The following COL5A2 variants were observed in gnomAD, a reference collection of about 807,000 sequenced individuals.
COL5A2 encodes the protein collagen alpha-2(V) chain.
COL5A2 carries 23 observed loss-of-function variants against 208.2 expected under a neutral mutation model. That is an observed-to-expected ratio of 0.11 (90% confidence interval 0.08 to 0.16). The LOEUF (loss-of-function observed/expected upper bound fraction) is 0.16, where lower values mean the gene tolerates loss of function less well. Ranked by LOEUF, COL5A2 falls within the 10% of genes least tolerant of loss-of-function variation. The probability of loss-of-function intolerance (pLI) is 1.00; values close to 1 mark genes in which losing one functional copy is unlikely to be tolerated. For missense variants in COL5A2, 1,590 were observed against 1,956.4 expected (o/e 0.81, Z 3.53); for synonymous variants, 625 against 628.5 (o/e 0.99, Z 0.08).
intron 31 of COL5A2, 125 bp downstream of exon 31, chr2:189,060,605 G>C: frequency 1.3e-6 from 1 of 790,034 alleles, no homozygotes; most frequent in Non-Finnish European, 2.2e-6. Flanking sequence ...CTAGTACATA[G>C]GGCTGCTTTG....
intron 1 of COL5A2, among the ~76,000 whole-genome samples, chr2:189,134,731 A>G (rs1033232795): frequency 1.3e-5 from 2 of 152,220 alleles, no homozygotes; most frequent in Non-Finnish European, 2.9e-5. Flanking sequence ...ACCAAGGGCA[A>G]ATTTCAGGAA....
At chr2:189,072,413 T>C (rs1197540482) in intron 17 of COL5A2, among the ~76,000 whole-genome samples, 4 of 152,138 alleles carry the variant, frequency 2.6e-5, no homozygotes, top group Admixed American at 1.3e-4. Context: ...TCAAATAATA[T>C]AGTTTTTAGA....
chr2:189,398,122 C>T, the COL5A2 span, among the ~76,000 whole-genome samples: 1 of 151,978 alleles, frequency 6.6e-6, no homozygotes, highest in East Asian at 1.9e-4. Flanking sequence ...TCATTAATTT[C>T]TAGTAATAAT....
At chr2:189,306,563 G>A in the COL5A2 span, among the ~76,000 whole-genome samples, 1 of 152,170 alleles carries the variant, frequency 6.6e-6, no homozygotes, top group Non-Finnish European at 1.5e-5. Flanking sequence ...ATTAATGAGG[G>A]AATTCTGGTG....
At chr2:189,284,117 G>A in the COL5A2 span, among the ~76,000 whole-genome samples, 51 of 152,118 alleles carry the variant, frequency 3.4e-4, no homozygotes, top group African/African-American at 1.2e-3. Flanking sequence ...TATATGATAT[G>A]CTTATGTCAT....
chr2:189,142,682 A>G (rs1003205026), intron 1 of COL5A2, among the ~76,000 whole-genome samples: 3 of 152,142 alleles, frequency 2.0e-5, no homozygotes, highest in Admixed American at 6.6e-5. Context: ...AGATTTCTTT[A>G]TACTATGATT....
chr2:189,223,575 T>A lies in COL5A2; in HGVS notation c.-42+1573A>T, dbSNP rs565889820. Among the ~76,000 whole-genome samples the A allele has an allele frequency of 4.6e-5, 7 of 152,298 alleles. No homozygotes were observed. In the South Asian group the frequency reaches 1.5e-3, roughly 32 times the overall value. On this transcript the variant is annotated intron_variant, in intron 1 of 10. Transcript: ENST00000649966. ...CCAAAAGCCAGCAACCGCCCACGTG[T>A]GTATCAACAACATCGTGGATAAATA...
chr2:189,417,833 C>T, the COL5A2 span, among the ~76,000 whole-genome samples: 1 of 151,420 alleles, frequency 6.6e-6, no homozygotes, highest in African/African-American at 2.4e-5. Flanking sequence ...TATACACATA[C>T]ATATATGTGT....
the COL5A2 span, among the ~76,000 whole-genome samples, chr2:189,421,056 A>T: frequency 2.0e-5 from 3 of 152,222 alleles, no homozygotes; most frequent in Admixed American, 1.3e-4. Context: ...TTTATTTTAA[A>T]AAGAGAGTTG....
At chr2:189,296,904 T>C in the COL5A2 span, among the ~76,000 whole-genome samples, 1 of 152,222 alleles carries the variant, frequency 6.6e-6, no homozygotes, top group Non-Finnish European at 1.5e-5. Flanking sequence ...ATTTTAATGA[T>C]TTCCCTCTTT....
In COL5A2 at chr2:189,086,664, T is replaced by C. The variant is rs931629786; in HGVS notation, c.690+62A>G. The C allele has an allele frequency of 3.8e-6, 5 of 1,302,332 alleles. No individual in the cohort carries two copies. In the South Asian group the frequency reaches 6.3e-5, roughly 16 times the overall value. 80.7% of individuals were successfully genotyped at this position (1,302,332 alleles called of 1,614,324 possible). On this transcript the variant is annotated intron_variant, in intron 9 of 53. Transcript: ENST00000374866. Reference sequence around the variant, plus strand: ...AAGCAGTCATGTCACAGAGACCTTATGTAATATATGTGTGTGTGTATGTTT... The same window carrying C: ...AAGCAGTCATGTCACAGAGACCTTACGTAATATATGTGTGTGTGTATGTTT...
At chr2:189,438,628 A>T in the COL5A2 span, among the ~76,000 whole-genome samples, 4 of 152,186 alleles carry the variant, frequency 2.6e-5, no homozygotes, top group Admixed American at 6.5e-5. Context: ...GAAAAGGCAA[A>T]ACTAGGGATG....
At chr2:189,127,022 A>C (rs546906512) in intron 1 of COL5A2, among the ~76,000 whole-genome samples, 36 of 152,190 alleles carry the variant, frequency 2.4e-4, no homozygotes, top group African/African-American at 8.2e-4. Flanking sequence ...AACTTACAGA[A>C]ATAAATTCAG....
chr2:189,288,857 C>T, the COL5A2 span, among the ~76,000 whole-genome samples: 11 of 151,956 alleles, frequency 7.2e-5, no homozygotes, highest in Non-Finnish European at 1.5e-4. Flanking sequence ...GATCATTCAC[C>T]GTGACCAACA....
chr2:189,070,444 C>A (rs1686249134), intron 18 of COL5A2, among the ~76,000 whole-genome samples: 1 of 152,020 alleles, frequency 6.6e-6, no homozygotes, highest in South Asian at 2.1e-4. Flanking sequence ...AACAAAGATC[C>A]AGGAATTTTA....
chr2:189,250,767 T>A, the COL5A2 span, among the ~76,000 whole-genome samples: 1 of 152,280 alleles, frequency 6.6e-6, no homozygotes, highest in African/African-American at 2.4e-5. Flanking sequence ...AGCCTATATA[T>A]TTCCATCTCT....
At chr2:189,171,729 A>G (rs1378941780) in intron 1 of COL5A2, among the ~76,000 whole-genome samples, 57 of 152,236 alleles carry the variant, frequency 3.7e-4, no homozygotes, top group Admixed American at 3.7e-3. Flanking sequence ...TTATTTATCT[A>G]AAGTTCATGT....
chr2:189,069,282 C>T (rs1433185180), intron 18 of COL5A2, among the ~76,000 whole-genome samples: 1 of 152,204 alleles, frequency 6.6e-6, no homozygotes, highest in Non-Finnish European at 1.5e-5. Flanking sequence ...AACAGCCCTA[C>T]ACCTCAGGCA....
chr2:189,322,081 C>T, the COL5A2 span, among the ~76,000 whole-genome samples: 17 of 152,116 alleles, frequency 1.1e-4, no homozygotes, highest in South Asian at 2.1e-4. Context: ...ATGACTACTG[C>T]GTACATAACG....
Sources: allele counts gnomAD v4.1 joint callset (sites outside exome capture counted in the v4.1 genomes callset), GRCh38; gene constraint gnomAD v4.1.1; transcripts MANE v1.5; gene names NCBI Gene and HGNC (gene_info 2026-07-23, HGNC 2026-07-21).